Variants in TESK2 observed in about 807,000 individuals in gnomAD.
TESK2 encodes the protein dual specificity testis-specific protein kinase 2.
A neutral mutation model predicts 57.1 loss-of-function variants in TESK2; 39 were observed. The ratio of observed to expected loss-of-function variants is 0.68; its 90% confidence interval spans 0.53 to 0.89. TESK2 has a LOEUF of 0.89. Ranked by LOEUF, TESK2 falls within the 40% of genes least tolerant of loss-of-function variation. TESK2 has a pLI of 0.00. For synonymous variants in TESK2, 249 were observed against 267.9 expected, an observed-to-expected ratio of 0.93 and a Z score of 0.69; for missense variants, 646 against 732.1, an observed-to-expected ratio of 0.88 and a Z score of 1.36.
chr1:45,354,843 T>C (rs1647355276), intron 5 of TESK2, among the ~76,000 whole-genome samples: 1 of 116,870 alleles, frequency 8.6e-6, no homozygotes, highest in Non-Finnish European at 1.7e-5. Context: ...TATATATATA[T>C]ATATATGTTG....
intron 4 of TESK2, among the ~76,000 whole-genome samples, chr1:45,367,715 T>C (rs1244252060): frequency 1.4e-5 from 2 of 144,686 alleles, no homozygotes; most frequent in Non-Finnish European, 3.0e-5. Context: ...TGCAGTGCAA[T>C]GGAGTGATCT....
At chr1:45,412,981 T>C (rs1383962666) in intron 3 of TESK2, among the ~76,000 whole-genome samples, 4 of 151,912 alleles carry the variant, frequency 2.6e-5, no homozygotes. Context: ...GGCAACAGAG[T>C]GAGGCCCTGT....
intron 2 of TESK2, among the ~76,000 whole-genome samples, chr1:45,438,324 C>T (rs1347259523): frequency 6.6e-6 from 1 of 152,010 alleles, no homozygotes; most frequent in Non-Finnish European, 1.5e-5. Flanking sequence ...GGTGAAACCC[C>T]ATCTCTACTA....
chr1:45,397,032 G>A (rs949761923), intron 3 of TESK2, among the ~76,000 whole-genome samples: 40 of 147,058 alleles, frequency 2.7e-4, no homozygotes, highest in South Asian at 4.4e-4. Flanking sequence ...TTGGCCAGGC[G>A]GGTCTCAAAC....
intron 2 of TESK2, among the ~76,000 whole-genome samples, chr1:45,431,041 TTTC>T (rs1175830298): frequency 6.6e-6 from 1 of 152,172 alleles, no homozygotes; most frequent in African/African-American, 2.4e-5. Context: ...CAACACCAAT[TTTC>T]TTCTTTTTTG....
chr1:45,370,425 G>T (rs1302422863), intron 4 of TESK2, among the ~76,000 whole-genome samples: 1 of 152,190 alleles, frequency 6.6e-6, no homozygotes, highest in African/African-American at 2.4e-5. Context: ...GCTACCATTT[G>T]TCAGGCACTG....
chr1:45,461,648 T>C (rs1157425534), intron 1 of TESK2, among the ~76,000 whole-genome samples: 1 of 152,032 alleles, frequency 6.6e-6, no homozygotes, highest in Non-Finnish European at 1.5e-5. Flanking sequence ...TTTAGAAAAA[T>C]AAAAGATATT....
At chr1:45,430,648 G>A (rs1650910364) in intron 2 of TESK2, among the ~76,000 whole-genome samples, 1 of 152,196 alleles carries the variant, frequency 6.6e-6, no homozygotes. Flanking sequence ...GACAGCTAGG[G>A]TTAGTTTGTA....
chr1:45,474,785 CTT>C (rs1268268401), intron 1 of TESK2, among the ~76,000 whole-genome samples: 19 of 139,594 alleles, frequency 1.4e-4, no homozygotes, highest in Admixed American at 1.4e-4. Context: ...GCCTCCATCT[CTT>C]TTTTTTTTTT....
At chr1:45,416,581 T>C (rs1570707047) in intron 3 of TESK2, among the ~76,000 whole-genome samples, 1 of 152,194 alleles carries the variant, frequency 6.6e-6, no homozygotes, top group Non-Finnish European at 1.5e-5. Flanking sequence ...TAAAATTTAC[T>C]CCTATTCCTG....
At chr1:45,458,605 TC>T (rs1652209739) in intron 1 of TESK2, among the ~76,000 whole-genome samples, 1 of 151,882 alleles carries the variant, frequency 6.6e-6, no homozygotes, top group South Asian at 2.1e-4. Context: ...CCTGTCTGAT[TC>T]AAAAGCCTGT....
chr1:45,383,850 G>T (rs1320518859), intron 4 of TESK2, among the ~76,000 whole-genome samples: 1 of 152,130 alleles, frequency 6.6e-6, no homozygotes, highest in Non-Finnish European at 1.5e-5. Flanking sequence ...TCTTGATCTG[G>T]GGTGCTGGTT....
intron 3 of TESK2, among the ~76,000 whole-genome samples, chr1:45,414,387 G>A (rs1431302829): frequency 2.0e-5 from 3 of 152,194 alleles, no homozygotes; most frequent in Non-Finnish European, 4.4e-5. Flanking sequence ...CAGTGTGACA[G>A]TTCCTGTGCC....
intron 1 of TESK2, among the ~76,000 whole-genome samples, chr1:45,475,063 CAAAAAAAAA>C (rs58542898): frequency 1.1e-5 from 1 of 87,434 alleles, no homozygotes; most frequent in African/African-American, 3.8e-5. Context: ...GACTCTATCT[CAAAAAAAAA>C]AAAAAAAAAA....
chr1:45,384,599 T>TA, intron 4 of TESK2, among the ~76,000 whole-genome samples: 1 of 62,016 alleles, frequency 1.6e-5, no homozygotes, highest in African/African-American at 6.9e-5. Context: ...ATTAATTTTT[T>TA]TTTTTTTTTT....
At chr1:45,487,443 A>G (rs1288686994) in intron 1 of TESK2, among the ~76,000 whole-genome samples, 1 of 152,160 alleles carries the variant, frequency 6.6e-6, no homozygotes, top group African/African-American at 2.4e-5. Context: ...TGTGACATTC[A>G]TATTGATGAC....
At chr1:45,391,725 G>A (rs189444669) in intron 3 of TESK2, among the ~76,000 whole-genome samples, 6 of 152,194 alleles carry the variant, frequency 3.9e-5, no homozygotes, top group Admixed American at 2.6e-4. Context: ...TCTCCTGGAC[G>A]CCCTTAGCAT....
chr1:45,434,536 C>G (rs894847265), intron 2 of TESK2, among the ~76,000 whole-genome samples: 6 of 151,112 alleles, frequency 4.0e-5, no homozygotes, highest in Admixed American at 1.3e-4. Flanking sequence ...GATAATACCT[C>G]ATTGTATTGA....
intron 4 of TESK2, among the ~76,000 whole-genome samples, chr1:45,384,611 T>A (rs2492843): frequency 4.6e-4 from 60 of 129,482 alleles, no homozygotes; most frequent in African/African-American, 1.8e-3. Flanking sequence ...TTTTTTTTTT[T>A]TTTTTTTTTT....
Sources: gnomAD v4.1 joint callset for allele counts (sites outside exome capture counted in the v4.1 genomes callset) on GRCh38, gnomAD v4.1.1 for gene constraint, MANE v1.5 for transcripts, NCBI Gene and HGNC (gene_info 2026-07-23, HGNC 2026-07-21) for gene names.